UBXN8: variants seen among roughly 807,000 people sequenced by gnomAD.
UBXN8 encodes the protein UBX domain protein 8, also known as UBX domain-containing protein 8.
A neutral mutation model predicts 32.1 loss-of-function variants in UBXN8; 27 were observed. That is an observed-to-expected ratio of 0.84 (90% confidence interval 0.62 to 1.16). The LOEUF (loss-of-function observed/expected upper bound fraction) is 1.16. UBXN8 is among the 50% of genes most tolerant of loss of function. The pLI, the probability that UBXN8 is intolerant of heterozygous loss-of-function variation, is 0.00. For synonymous variants in UBXN8, 109 were observed against 111.8 expected, an observed-to-expected ratio of 0.98 and a Z score of 0.16; for missense variants, 306 against 311.4, an observed-to-expected ratio of 0.98 and a Z score of 0.13.
upstream of UBXN8, among the ~76,000 whole-genome samples, chr8:30,729,703 A>C (rs1329904195): frequency 6.6e-6 from 1 of 152,216 alleles, no homozygotes; most frequent in Admixed American, 6.5e-5. Context: ...AATGGCGACT[A>C]TGGGGTTACT....
intron 4 of UBXN8, among the ~76,000 whole-genome samples, 160 bp from the exon 5 acceptor site, chr8:30,756,605 C>T (rs1172096525): frequency 1.3e-5 from 2 of 152,018 alleles, no homozygotes; most frequent in African/African-American, 4.8e-5. Flanking sequence ...TTCCTGTCCA[C>T]GGAGATAATG....
chr8:30,741,536 CTACCTCCTGAGTTCAAGTGATTCTGG>C (rs1253953983), upstream of UBXN8, among the ~76,000 whole-genome samples: 5 of 146,126 alleles, frequency 3.4e-5, no homozygotes, highest in East Asian at 1.0e-3. Flanking sequence ...ACTGCAACCT[CTACCTCCTGAGTTCAAGTGATTCTGG>C]TACCTCAGCC....
chr8:30,749,084 T>G (rs2128753754), intron 1 of UBXN8, among the ~76,000 whole-genome samples: 1 of 152,298 alleles, frequency 6.6e-6, no homozygotes, highest in East Asian at 1.9e-4. Flanking sequence ...TAATTTTCAC[T>G]TTGGTTCTTA....
At chr8:30,734,634 A>T (rs73247213) in intron 1 of UBXN8, among the ~76,000 whole-genome samples, 34,796 of 151,448 alleles carry the variant, frequency 0.23, 4,245 homozygotes, top group African/African-American at 0.33. Context: ...AAAAAAAAAA[A>T]ATTTCTTTCA....
At chr8:30,740,241 T>C (rs1202393361), upstream of UBXN8, among the ~76,000 whole-genome samples, 1 of 151,360 alleles carries the variant, frequency 6.6e-6, no homozygotes, top group Non-Finnish European at 1.5e-5. Context: ...TATGCATACA[T>C]TGGAACTCAA....
chr8:30,744,554 A>G, intron 1 of UBXN8: 1 of 513,464 alleles, frequency 1.9e-6, no homozygotes, highest in Non-Finnish European at 3.5e-6. Flanking sequence ...TGAAAAGGAA[A>G]TAAACAGGTT....
At position 30,766,865 on chromosome 8, in the gene UBXN8, TG is replaced by T. The variant is rs1197899297; in HGVS notation, c.*474del. 1 of 152,324 alleles carries T rather than the reference TG, an allele frequency of 6.6e-6. No homozygotes were observed. The highest frequency in any genetic ancestry group is 1.5e-5 in the Non-Finnish European group (1 of 68,116). The allele number at this position is 152,324 out of a possible 1,614,324, so 9.4% of individuals were successfully genotyped here. A position where few individuals can be genotyped will look rare whatever the true frequency, so the allele number is the denominator to read the frequency against. Reference sequence around the variant, plus strand: ...TTGGAGGCTTTAAAGTTCTTTCTGTTGGGTGTGCATTACAGTTTACTTAACT... The same window carrying T: ...TTGGAGGCTTTAAAGTTCTTTCTGTTGGTGTGCATTACAGTTTACTTAACT... On this transcript the variant is annotated 3_prime_UTR_variant, in exon 8 of 8. Transcript: ENST00000265616.
chr8:30,758,900 T>TTTTTTTTTTTTGG (rs1805747288), intron 5 of UBXN8, among the ~76,000 whole-genome samples: 1 of 121,998 alleles, frequency 8.2e-6, no homozygotes, highest in Non-Finnish European at 1.6e-5. Context: ...TTTTGTTTTT[T>TTTTTTTTTTTTGG]TTTTTTTTTT....
At chr8:30,753,225 T>G in intron 3 of UBXN8, 120 bp downstream of exon 3, 64 of 962,298 alleles carry the variant, frequency 6.7e-5, no homozygotes, top group Non-Finnish European at 8.0e-5. Flanking sequence ...TATAATGAGG[T>G]CAAATTCACG....
At chr8:30,744,538 G>A (rs1338517279) in intron 1 of UBXN8, 1 of 523,670 alleles carries the variant, frequency 1.9e-6, no homozygotes, top group African/African-American at 1.9e-5. Context: ...GCATCCTGGC[G>A]AACACTGAAA....
At chr8:30,766,157 T>TA in intron 7 of UBXN8, 70 bp from the exon 8 acceptor site, 3 of 1,448,958 alleles carry the variant, frequency 2.1e-6, no homozygotes, top group Non-Finnish European at 2.8e-6. Flanking sequence ...TATAAAATGT[T>TA]ATGGTGGTCT....
upstream of UBXN8, among the ~76,000 whole-genome samples, chr8:30,740,936 A>C (rs1168574740): frequency 2.6e-5 from 4 of 152,204 alleles, no homozygotes; most frequent in Admixed American, 2.0e-4. Context: ...TCAGGCACTG[A>C]GAAGTTGAGC....
At position 30,749,754 on chromosome 8, in the gene UBXN8, C is replaced by T. The variant is rs559785223; in HGVS notation, c.89-1642C>T. ...CCAAGTAGCTGGGACTACAGGTACC[C>T]GCCACCGCGCCCAGCTAATTTTTTG... On this transcript the variant is annotated intron_variant, in intron 1 of 7. Coordinates refer to ENST00000265616, the MANE Select transcript of UBXN8 (RefSeq NM_005671.4). Among the ~76,000 whole-genome samples the T allele has an allele frequency of 5.3e-5, 8 of 151,886 alleles. 1 individual carries two copies. The South Asian group carries it at 1.0e-3, about 20-fold the overall frequency.
upstream of UBXN8, among the ~76,000 whole-genome samples, chr8:30,729,902 G>A (rs1260978169): frequency 6.6e-6 from 1 of 152,158 alleles, no homozygotes; most frequent in Admixed American, 6.5e-5. Context: ...TAAGAGGGCA[G>A]GCAGCAGCAG....
At chr8:30,732,253 T>G (rs1804976546), upstream of UBXN8, 1 of 394,476 alleles carries the variant, frequency 2.5e-6, no homozygotes, top group African/African-American at 2.1e-5. Flanking sequence ...TGATGACCTT[T>G]TGCTGGGACA....
chr8:30,747,156 A>C lies in UBXN8; in HGVS notation c.88+2879A>C, dbSNP rs1805382870. On this transcript the variant is annotated intron_variant, in intron 1 of 7. Coordinates refer to ENST00000265616, the MANE Select transcript of UBXN8 (RefSeq NM_005671.4). ...GCAACAGAGTGAGATTCCATCTCAA[A>C]ACAAAAACAAAAACGAAAAAACCTT... Among the ~76,000 whole-genome samples, 2 of 139,876 alleles carry C rather than the reference A, an allele frequency of 1.4e-5. 1 individual carries two copies. Among genetic ancestry groups the C allele is most frequent in the Admixed American group, 1.4e-4 (2 of 13,912 alleles). 91.8% of individuals were successfully genotyped at this position (139,876 alleles called of 152,430 possible).
At chr8:30,744,092 CT>C (rs1563557633), upstream of UBXN8, 1 of 1,068,620 alleles carries the variant, frequency 9.4e-7, no homozygotes, top group South Asian at 1.4e-5. Flanking sequence ...TATTGACCCT[CT>C]CCCAGCCGGC....
At chr8:30,751,334 TG>T in intron 1 of UBXN8, 61 bp from the exon 2 acceptor site, 1 of 1,393,610 alleles carries the variant, frequency 7.2e-7, no homozygotes. Flanking sequence ...GTCAACATAG[TG>T]AGACCTCATC....
intron 7 of UBXN8, among the ~76,000 whole-genome samples, chr8:30,765,565 T>C (rs1162974053): frequency 2.6e-5 from 4 of 151,892 alleles, no homozygotes; most frequent in Non-Finnish European, 5.9e-5. Context: ...TGTATATATA[T>C]AGTTTTGAGA....
Sources: allele counts gnomAD v4.1 joint callset (sites outside exome capture counted in the v4.1 genomes callset), GRCh38; gene constraint gnomAD v4.1.1; transcripts MANE v1.5; gene names NCBI Gene and HGNC (gene_info 2026-07-23, HGNC 2026-07-21).